The following GSDMB variants were observed in gnomAD, a reference collection of about 807,000 sequenced individuals.
The protein encoded by GSDMB is gasdermin B, also known as gasdermin-B.
A neutral mutation model predicts 42.9 loss-of-function variants in GSDMB; 32 were observed. The ratio of observed to expected loss-of-function variants is 0.75; its 90% CI spans 0.56 to 1.00. The LOEUF (loss-of-function observed/expected upper bound fraction) is 1.00, where lower values mean the gene tolerates loss of function less well. GSDMB is among the 50% of genes least tolerant of loss of function. GSDMB has a pLI of 0.00. For synonymous variants in GSDMB, 175 were observed against 193.7 expected (o/e 0.90, Z 0.80); for missense variants, 468 against 498.5 (o/e 0.94, Z 0.58).
intron 6 of GSDMB, among the ~76,000 whole-genome samples, chr17:39,907,942 A>G (rs948408522): frequency 6.6e-6 from 1 of 152,136 alleles, no homozygotes; most frequent in African/African-American, 2.4e-5. Flanking sequence ...CTGTAAGCTC[A>G]GGATCCAGCT....
chr17:39,908,203 T>C lies in GSDMB; in HGVS notation c.673A>G (p.Arg225Gly), dbSNP rs2063539639. The change falls in exon 6 of 11, where the codon AGG (arginine) becomes GGG (glycine). Residue 225 changes from arginine to glycine, a missense_variant. Physicochemically the swap from Arg to Gly is moderately radical, Grantham distance 125. Coordinates refer to ENST00000418519, the MANE Select transcript of GSDMB (RefSeq NM_001165958.2). ...TCTGGAAAGGATTTTGTTTTGCCCC[T>C]GAAATGAATATCTAAACCAGCACCA... ...PNKETMNIHF[R>G]GKTKSFPEEK... The C allele has an allele frequency of 2.6e-6, 4 of 1,524,572 alleles. No homozygotes were observed. The highest frequency in any genetic ancestry group is 2.7e-6 in the Non-Finnish European group (3 of 1,122,126). The allele number at this position is 1,524,572 out of a possible 1,614,324, so 94.4% of individuals were successfully genotyped here.
intron 2 of GSDMB, among the ~76,000 whole-genome samples, chr17:39,916,459 T>C (rs951054780): frequency 6.9e-6 from 1 of 144,642 alleles, no homozygotes; most frequent in Admixed American, 6.9e-5. Flanking sequence ...ATTTTTTGTA[T>C]TTTTTTTTTT....
At chr17:39,915,057 G>A (rs899122733) in intron 2 of GSDMB, among the ~76,000 whole-genome samples, 3 of 151,892 alleles carry the variant, frequency 2.0e-5, no homozygotes, top group Non-Finnish European at 1.5e-5. Flanking sequence ...GGCTGGTCTC[G>A]AACTCCTGGC....
At chr17:39,907,086 G>C in intron 6 of GSDMB, 99 bp from the exon 7 acceptor site, 1 of 1,582,296 alleles carries the variant, frequency 6.3e-7, no homozygotes, top group Non-Finnish European at 8.6e-7. Flanking sequence ...CTTGCAATCT[G>C]AGCCCTCACT....
intron 2 of GSDMB, among the ~76,000 whole-genome samples, chr17:39,915,767 G>A (rs77929191): frequency 1.5e-3 from 229 of 152,232 alleles, no homozygotes; most frequent in Non-Finnish European, 2.6e-3. Context: ...CCACCTCCAA[G>A]TAATCTGGGT....
At chr17:39,913,996 C>T (rs1444339322) in intron 2 of GSDMB, among the ~76,000 whole-genome samples, 1 of 152,010 alleles carries the variant, frequency 6.6e-6, no homozygotes, top group Admixed American at 6.6e-5. Context: ...GGACCATTTG[C>T]TTCTTGAGCA....
Position 39,917,586 on chromosome 17 carries a change from C to T in GSDMB, c.-14-256G>A, listed in dbSNP as rs375522534. The T allele has an allele frequency of 9.4e-4, 384 of 406,562 alleles. 10 individuals are homozygous for T. Among genetic ancestry groups the T allele is most frequent in the African/African-American group, 4.7e-3 (220 of 46,968 alleles). 25.2% of individuals were successfully genotyped at this position (406,562 alleles called of 1,614,324 possible). ...CCACCCTGATACAATATAGTCTCCC[C>T]GCCGCCGCCCTTAAGAAGGTACTTT... On this transcript the variant is annotated intron_variant, in intron 1 of 10. Coordinates refer to ENST00000418519, the MANE Select transcript of GSDMB (RefSeq NM_001165958.2).
At chr17:39,908,345 A>C in intron 5 of GSDMB, 131 bp from the exon 6 acceptor site, 1 of 567,486 alleles carries the variant, frequency 1.8e-6, no homozygotes. Flanking sequence ...AAAAAAAAAG[A>C]CAACTGTTTT....
intron 2 of GSDMB, among the ~76,000 whole-genome samples, chr17:39,916,280 A>ATTTT (rs3076832): frequency 0.015 from 1,744 of 119,040 alleles, 99 homozygotes; most frequent in African/African-American, 0.03. Context: ...TTCTCATTTG[A>ATTTT]TTTTTTTTTT....
chr17:39,911,978 G>C (rs191258929), intron 3 of GSDMB, among the ~76,000 whole-genome samples: 1 of 152,090 alleles, frequency 6.6e-6, no homozygotes, highest in East Asian at 1.9e-4. Context: ...AAAACAACCA[G>C]GTTTGTCCAA....
chr17:39,915,454 TAA>T (rs1358600414), intron 2 of GSDMB, among the ~76,000 whole-genome samples: 1 of 152,238 alleles, frequency 6.6e-6, no homozygotes, highest in Non-Finnish European at 1.5e-5. Context: ...AGCTTTTCCT[TAA>T]AGGAAGTTGA....
chr17:39,905,732 G>A (rs2063492015), intron 9 of GSDMB, 115 bp downstream of exon 9: 2 of 1,184,466 alleles, frequency 1.7e-6, no homozygotes, highest in African/African-American at 1.5e-5. Flanking sequence ...ATGAAGGAGT[G>A]CCCCCCATAA....
At chr17:39,916,280 A>ATTTTTTTT (rs3076832) in intron 2 of GSDMB, among the ~76,000 whole-genome samples, 12 of 119,082 alleles carry the variant, frequency 1.0e-4, no homozygotes, top group South Asian at 5.3e-4. Context: ...TTCTCATTTG[A>ATTTTTTTT]TTTTTTTTTT....
At chr17:39,914,993 C>G (rs926143878) in intron 2 of GSDMB, among the ~76,000 whole-genome samples, 3 of 151,716 alleles carry the variant, frequency 2.0e-5, no homozygotes, top group Non-Finnish European at 4.4e-5. Flanking sequence ...TGCGACACCA[C>G]GCCCAGCTAA....
At chr17:39,910,024 C>T (rs1482047722) in intron 3 of GSDMB, 100 bp from the exon 4 acceptor site, 9 of 901,492 alleles carry the variant, frequency 1.0e-5, no homozygotes, top group Non-Finnish European at 1.6e-5. Context: ...GAAGATTAAT[C>T]GCTTCTGAGA....
intron 7 of GSDMB, 179 bp from the exon 8 acceptor site, chr17:39,906,450 C>G (rs2063506637): frequency 1.1e-6 from 1 of 921,740 alleles, no homozygotes. Flanking sequence ...TTGCCTCCCA[C>G]TGACCCCACT....
At chr17:39,908,595 G>A (rs536155525) in intron 5 of GSDMB, among the ~76,000 whole-genome samples, 1 of 152,178 alleles carries the variant, frequency 6.6e-6, no homozygotes, top group East Asian at 1.9e-4. Flanking sequence ...GGCTAGGCTG[G>A]TCTCGAACTC....
At position 39,912,956 on chromosome 17, in the gene GSDMB, A is replaced by C. The variant is rs544505808; in HGVS notation, c.236-459T>G. On this transcript the variant is annotated intron_variant, in intron 2 of 10. Transcript: ENST00000418519. The stretch of plus-strand genomic sequence containing the variant: ...CCCCGTCTCTACTAAAAAATACAAA[A>C]AGTAGCCAGGCCTGGTGGTGTGTGC... Among the ~76,000 whole-genome samples the C allele has an allele frequency of 4.6e-5, 7 of 151,792 alleles. No homozygotes were observed. The East Asian group carries it at 7.8e-4, about 17-fold the overall frequency.
intron 10 of GSDMB, 108 bp from the exon 11 acceptor site, chr17:39,905,072 T>C (rs1427362825): frequency 1.2e-5 from 11 of 898,620 alleles, no homozygotes; most frequent in Non-Finnish European, 1.8e-5. Flanking sequence ...GACGTAATAA[T>C]CCATCATGGC....
Sources: gnomAD v4.1 joint callset for allele counts (sites outside exome capture counted in the v4.1 genomes callset) on GRCh38, gnomAD v4.1.1 for gene constraint, MANE v1.5 for transcripts, NCBI Gene and HGNC (gene_info 2026-07-23, HGNC 2026-07-21) for gene names.